The following TRAPPC12 variants were observed in gnomAD, a reference collection of about 807,000 sequenced individuals.
The protein encoded by TRAPPC12 is trafficking protein particle complex subunit 12.
Under a neutral mutation model 69.2 loss-of-function variants are expected in TRAPPC12, and 61 were observed. That is an observed-to-expected ratio of 0.88 (90% CI 0.72 to 1.09). The LOEUF is 1.09. TRAPPC12 is among the 50% of genes least tolerant of loss of function. TRAPPC12 has a pLI of 0.00. For missense variants in TRAPPC12, 1,101 were observed against 1,016.4 expected, an observed-to-expected ratio of 1.08 and a Z score of -1.13; for synonymous variants, 469 against 438.9, an observed-to-expected ratio of 1.07 and a Z score of -0.86.
rs151338635 is a variant in TRAPPC12 at position 3,419,719 on chromosome 2, G to A, written c.1165-2162G>A. 3.0e-3 allele frequency among the ~76,000 whole-genome samples: 456 copies of A among 152,060 alleles called. 2 individuals are homozygous for A. Among genetic ancestry groups the A allele is most frequent in the African/African-American group, 0.011 (439 of 41,468 alleles). ...GTTGCCCTGCTAATATTTGCAGCTC[G>A]CTGGTGGGTGCCGTGGAGGCCAGTA... On this transcript the variant is annotated intron_variant, in intron 3 of 11. Transcript: ENST00000324266.
chr2:3,450,269 G>C (rs1461496040), intron 6 of TRAPPC12, among the ~76,000 whole-genome samples: 1 of 152,250 alleles, frequency 6.6e-6, no homozygotes, highest in South Asian at 2.1e-4. Flanking sequence ...TTTGATGTAA[G>C]ATGATTCTTA....
intron 3 of TRAPPC12, among the ~76,000 whole-genome samples, chr2:3,420,539 T>C (rs911107534): frequency 3.3e-5 from 5 of 152,184 alleles, no homozygotes; most frequent in African/African-American, 1.2e-4. Context: ...AACTCAGCCA[T>C]TGCTGAGCCT....
intron 3 of TRAPPC12, among the ~76,000 whole-genome samples, chr2:3,412,605 G>T (rs950559062): frequency 2.6e-5 from 4 of 152,156 alleles, no homozygotes; most frequent in Non-Finnish European, 5.9e-5. Context: ...GTTTGAGGGT[G>T]CTCATCTTGC....
intron 9 of TRAPPC12, among the ~76,000 whole-genome samples, chr2:3,466,783 C>T (rs781108772): frequency 2.0e-5 from 3 of 152,168 alleles, no homozygotes; most frequent in East Asian, 1.9e-4. Flanking sequence ...AGATGCGTGA[C>T]GCGTGAGCTG....
At chr2:3,389,610 G>T in intron 2 of TRAPPC12, 1 of 467,794 alleles carries the variant, frequency 2.1e-6, no homozygotes, top group Non-Finnish European at 4.4e-6. Context: ...CATCTTAACG[G>T]CTCTAAACGG....
chr2:3,407,043 C>T lies in TRAPPC12; in HGVS notation c.1164+5150C>T, dbSNP rs573108098. 3.9e-5 allele frequency among the ~76,000 whole-genome samples: 6 copies of T among 152,258 alleles called. No homozygotes were observed. The East Asian group carries it at 7.7e-4, about 20-fold the overall frequency. On this transcript the variant is annotated intron_variant, in intron 3 of 11. Transcript: ENST00000324266. Reference sequence around the variant, plus strand: ...AATTCTAGTGTGTCCTAAAATAATTCGTGTTGTCTTTAAGGCAGCCAGGAA... The same window carrying T: ...AATTCTAGTGTGTCCTAAAATAATTTGTGTTGTCTTTAAGGCAGCCAGGAA...
rs769788169 is a variant in TRAPPC12 at position 3,401,814 on chromosome 2, G to A, written c.1085G>A (p.Gly362Asp). 2.5e-6 allele frequency: 4 copies of A among 1,600,186 alleles called. No individual in the cohort carries two copies. The highest frequency in any genetic ancestry group is 3.6e-5 in the Admixed American group (2 of 56,040). Residue 362 changes from glycine to aspartate, a missense_variant, in exon 3 of 12, where the codon GGT (glycine) becomes GAT (aspartate). Transcript: ENST00000324266. ...AAAGACTTGATGCTTCGCTTTCTGGGTGAAAAAGCTGCAGCAAAGAGACAA... is the reference window on the plus strand; with the variant it reads ...AAAGACTTGATGCTTCGCTTTCTGGATGAAAAAGCTGCAGCAAAGAGACAA... ...AVKDLMLRFL[G>D]EKAAAKRQVL...
Position 3,388,004 on chromosome 2 carries a change from C to T in TRAPPC12, c.381C>T (p.Ser127=), listed in dbSNP as rs1424498769. 3 of 1,469,768 alleles carry T rather than the reference C, an allele frequency of 2.0e-6. No homozygotes were observed. The highest frequency in any genetic ancestry group is 2.9e-5 in the African/African-American group (2 of 67,798). The allele number at this position is 1,469,768 out of a possible 1,614,324, so 91.0% of individuals were successfully genotyped here. The change falls in exon 2 of 12, where the codon AGC becomes AGT. Residue 127 remains serine (S), a synonymous_variant. Coordinates refer to ENST00000324266, the MANE Select transcript of TRAPPC12 (RefSeq NM_016030.6). The part of the protein sequence containing the change: ...DCAPEDAAPS[S]GGAPRQDAAR... Reference sequence around the variant, plus strand: ...CCCCCGAGGACGCGGCACCCAGTAGCGGAGGGGCCCCGAGGCAGGACGCGG... The same window carrying T: ...CCCCCGAGGACGCGGCACCCAGTAGTGGAGGGGCCCCGAGGCAGGACGCGG...
At chr2:3,453,255 C>A (rs187708999) in intron 6 of TRAPPC12, among the ~76,000 whole-genome samples, 2 of 152,218 alleles carry the variant, frequency 1.3e-5, no homozygotes, top group Non-Finnish European at 2.9e-5. Flanking sequence ...TCCCAGCAGG[C>A]GCTAAGCACC....
chr2:3,389,810 C>G (rs1471037062), intron 2 of TRAPPC12: 1 of 470,838 alleles, frequency 2.1e-6, no homozygotes. Flanking sequence ...TTATTGAGCA[C>G]AAAACAGCTC....
chr2:3,392,011 A>G (rs1413864383), intron 2 of TRAPPC12, among the ~76,000 whole-genome samples: 2 of 151,828 alleles, frequency 1.3e-5, no homozygotes, highest in Non-Finnish European at 2.9e-5. Context: ...TTGCTTCCCA[A>G]CTGGGTGCTG....
intron 1 of TRAPPC12, among the ~76,000 whole-genome samples, chr2:3,386,140 AT>A (rs2103423668): frequency 6.6e-6 from 1 of 152,346 alleles, no homozygotes; most frequent in South Asian, 2.1e-4. Context: ...AGGCTGACTC[AT>A]TGGGAATACT....
chr2:3,463,570 T>A (rs1225305302), intron 8 of TRAPPC12, among the ~76,000 whole-genome samples: 1 of 150,112 alleles, frequency 6.7e-6, no homozygotes, highest in African/African-American at 2.5e-5. Flanking sequence ...TTTGTCATAC[T>A]AGATTATCTT....
chr2:3,408,006 C>G (rs1352458306), intron 3 of TRAPPC12, among the ~76,000 whole-genome samples: 1 of 152,142 alleles, frequency 6.6e-6, no homozygotes, highest in East Asian at 1.9e-4. Context: ...GCTGGTTCCT[C>G]CTGGCCGGTC....
At chr2:3,475,656 T>G (rs920593862) in intron 9 of TRAPPC12, among the ~76,000 whole-genome samples, 1 of 152,096 alleles carries the variant, frequency 6.6e-6, no homozygotes, top group Admixed American at 6.5e-5. Flanking sequence ...TCTGAGACAT[T>G]GAGTAAAGTC....
chr2:3,432,783 G>A (rs766280043), intron 5 of TRAPPC12, among the ~76,000 whole-genome samples: 1 of 152,104 alleles, frequency 6.6e-6, no homozygotes. Context: ...TCAGTTTGGG[G>A]TTCCGTATCT....
chr2:3,450,458 G>A lies in TRAPPC12; in HGVS notation c.1530+6567G>A, dbSNP rs577249433. Among the ~76,000 whole-genome samples the A allele has an allele frequency of 2.6e-5, 4 of 152,290 alleles. No individual in the cohort carries two copies. In the South Asian group the frequency reaches 6.2e-4, roughly 24 times the overall value. ...TGACAGTCTGGAAACTTCCAGGTCC[G>A]CTCTGAAGTGCCGGCTGCATGACCA... On this transcript the variant is annotated intron_variant, in intron 6 of 11. Coordinates refer to ENST00000324266, the MANE Select transcript of TRAPPC12 (RefSeq NM_016030.6).
At chr2:3,442,527 C>T (rs542985986) in intron 5 of TRAPPC12, among the ~76,000 whole-genome samples, 122 of 152,268 alleles carry the variant, frequency 8.0e-4, no homozygotes, top group African/African-American at 2.8e-3. Context: ...AACTTAAGCT[C>T]GGCCAGATAT....
chr2:3,428,678 C>T (rs1209221705), intron 5 of TRAPPC12, among the ~76,000 whole-genome samples: 1 of 152,158 alleles, frequency 6.6e-6, no homozygotes, highest in Non-Finnish European at 1.5e-5. Context: ...TCCTTTCAGC[C>T]ACCCCCAAAG....
Sources: gnomAD v4.1 joint callset for allele counts (sites outside exome capture counted in the v4.1 genomes callset) on GRCh38, gnomAD v4.1.1 for gene constraint, MANE v1.5 for transcripts, NCBI Gene and HGNC (gene_info 2026-07-23, HGNC 2026-07-21) for gene names.